MAGI2: variants seen among roughly 807,000 people sequenced by gnomAD.
MAGI2 encodes the protein membrane associated guanylate kinase, WW and PDZ domain containing 2, also known as membrane-associated guanylate kinase, WW and PDZ domain-containing protein 2.
MAGI2 carries 35 observed loss-of-function variants against 133.3 expected under a neutral mutation model. The ratio of observed to expected loss-of-function variants is 0.26; its 90% confidence interval spans 0.20 to 0.35. The LOEUF is 0.35. Ranked by LOEUF, MAGI2 falls within the 10% of genes least tolerant of loss-of-function variation. MAGI2 has a pLI of 1.00. For missense variants in MAGI2, 1,636 were observed against 1,863.4 expected, an observed-to-expected ratio of 0.88 and a Z score of 2.25; for synonymous variants, 729 against 710.6, an observed-to-expected ratio of 1.03 and a Z score of -0.41.
intron 10 of MAGI2, among the ~76,000 whole-genome samples, chr7:78,245,628 C>T (rs1486742855): frequency 2.0e-5 from 3 of 152,122 alleles, no homozygotes; most frequent in Non-Finnish European, 2.9e-5. Flanking sequence ...CACCACCTCA[C>T]CTCCCAGCTG....
intron 9 of MAGI2, among the ~76,000 whole-genome samples, chr7:78,269,693 GC>G (rs1320116641): frequency 6.6e-6 from 1 of 152,098 alleles, no homozygotes; most frequent in Non-Finnish European, 1.5e-5. Context: ...TGGATAGATT[GC>G]AAAAATTTTC....
chr7:78,308,831 G>C (rs1194218538), intron 9 of MAGI2, among the ~76,000 whole-genome samples: 1 of 152,114 alleles, frequency 6.6e-6, no homozygotes, highest in Non-Finnish European at 1.5e-5. Context: ...TTATACTATG[G>C]GGCTTAGAAT....
intron 18 of MAGI2, among the ~76,000 whole-genome samples, chr7:78,130,524 C>T (rs1821460164): frequency 6.6e-6 from 1 of 152,200 alleles, no homozygotes; most frequent in South Asian, 2.1e-4. Flanking sequence ...CCCTCTGATA[C>T]CATGGCCATC....
In MAGI2 at chr7:78,019,280, C is replaced by T; in HGVS notation, c.*35G>A. The T allele has an allele frequency of 6.4e-7, 1 of 1,574,336 alleles. No individual in the cohort carries two copies. The highest frequency in any genetic ancestry group is 8.6e-7 in the Non-Finnish European group (1 of 1,169,364). ...GACGGAACCTAAGAAGAACTGCCTG[C>T]GCCGGGGCGGGCGGGTTGGCCGTGG... On this transcript the variant is annotated 3_prime_UTR_variant, in exon 22 of 22. Coordinates refer to ENST00000354212, the MANE Select transcript of MAGI2 (RefSeq NM_012301.4).
chr7:79,438,375 T>G (rs942159023), intron 1 of MAGI2, among the ~76,000 whole-genome samples: 2 of 152,032 alleles, frequency 1.3e-5, no homozygotes, highest in African/African-American at 4.8e-5. Context: ...TTCCAATGCC[T>G]AATCTAAATT....
chr7:78,146,767 T>C (rs1251365267), intron 16 of MAGI2, among the ~76,000 whole-genome samples: 4 of 152,220 alleles, frequency 2.6e-5, no homozygotes, highest in Non-Finnish European at 5.9e-5. Context: ...CAGGTGTTGC[T>C]GACAACTCAT....
intron 9 of MAGI2, among the ~76,000 whole-genome samples, chr7:78,286,423 A>G (rs1384304432): frequency 6.6e-6 from 1 of 152,160 alleles, no homozygotes; most frequent in Non-Finnish European, 1.5e-5. Flanking sequence ...AACAAGGAAT[A>G]TGGCGATTTA....
chr7:78,030,615 A>G (rs1320319650), intron 21 of MAGI2, among the ~76,000 whole-genome samples: 1 of 152,250 alleles, frequency 6.6e-6, no homozygotes, highest in Non-Finnish European at 1.5e-5. Context: ...AAATAAGCAC[A>G]TAAAAGAGCA....
At chr7:78,461,683 G>T (rs2151512199) in intron 6 of MAGI2, among the ~76,000 whole-genome samples, 1 of 151,842 alleles carries the variant, frequency 6.6e-6, no homozygotes, top group East Asian at 1.9e-4. Context: ...AGGCTGAGGT[G>T]GGCGGATCAC....
Position 78,201,191 on chromosome 7 carries a change from A to C in MAGI2, c.2050T>G (p.Phe684Val). Residue 684 changes from phenylalanine to valine, a missense_variant and splice_region_variant, in exon 11 of 22, where the codon TTC becomes GTC. Coordinates refer to ENST00000354212, the MANE Select transcript of MAGI2 (RefSeq NM_012301.4). ...TTTGGAGTTTTCCATGGAGAAAAGA[A>C]ACCTGTAATAAAGAAAACAATATTT... ...ETSLIIHRGG[F>V]FSPWKTPKPI... is the part of the protein sequence containing the mutation. The C allele has an allele frequency of 6.8e-7, 1 of 1,473,732 alleles. No homozygotes were observed. Among genetic ancestry groups the C allele is most frequent in the Non-Finnish European group, 9.0e-7 (1 of 1,106,646 alleles). The allele number at this position is 1,473,732 out of a possible 1,614,324, so 91.3% of individuals were successfully genotyped here. A position where few individuals can be genotyped will look rare whatever the true frequency, so the allele number is the denominator to read the frequency against.
At chr7:78,992,522 A>G (rs1805891045) in intron 2 of MAGI2, among the ~76,000 whole-genome samples, 1 of 152,004 alleles carries the variant, frequency 6.6e-6, no homozygotes, top group African/African-American at 2.4e-5. Context: ...AATTTGGAAG[A>G]TAAGTTGTTA....
Position 78,569,583 on chromosome 7 carries a change from A to G in MAGI2, c.539-47938T>C, listed in dbSNP as rs1024851500. ...AGAAAACAATTTTCTGGCAAAAAGGAAAGAAAAAAAAGTAAAACATTAAAT... is the reference window on the plus strand; with the variant it reads ...AGAAAACAATTTTCTGGCAAAAAGGGAAGAAAAAAAAGTAAAACATTAAAT... On this transcript the variant is annotated intron_variant, in intron 3 of 21. Transcript: ENST00000354212. Among the ~76,000 whole-genome samples, 4 of 152,234 alleles carry G rather than the reference A, an allele frequency of 2.6e-5. No individual in the cohort carries two copies. In the South Asian group the frequency reaches 8.3e-4, roughly 31 times the overall value.
At chr7:78,701,468 T>C (rs118053557) in intron 2 of MAGI2, among the ~76,000 whole-genome samples, 2,887 of 152,086 alleles carry the variant, frequency 0.019, 37 homozygotes, top group Middle Eastern at 0.02. Context: ...CATTTGATGA[T>C]GATTTTCTTT....
intron 1 of MAGI2, among the ~76,000 whole-genome samples, chr7:79,361,904 AT>A (rs1842402815): frequency 1.3e-5 from 2 of 152,152 alleles, no homozygotes; most frequent in South Asian, 4.1e-4. Context: ...ACATATAAAA[AT>A]ATATGGGAAG....
At chr7:79,323,042 T>A (rs1296206549) in intron 1 of MAGI2, among the ~76,000 whole-genome samples, 1 of 152,080 alleles carries the variant, frequency 6.6e-6, no homozygotes, top group Non-Finnish European at 1.5e-5. Flanking sequence ...CTCACTATGT[T>A]GTACATGCTA....
chr7:79,445,299 T>G (rs868821158), intron 1 of MAGI2, among the ~76,000 whole-genome samples: 27 of 151,848 alleles, frequency 1.8e-4, no homozygotes, highest in Middle Eastern at 6.8e-3. Context: ...GGCAACAAAA[T>G]CCAAAATTGA....
intron 10 of MAGI2, among the ~76,000 whole-genome samples, chr7:78,211,633 T>C (rs1787776759): frequency 6.6e-6 from 1 of 152,240 alleles, no homozygotes; most frequent in Non-Finnish European, 1.5e-5. Context: ...ATTTTAATAG[T>C]AATGCACTTT....
intron 1 of MAGI2, chr7:79,124,931 G>T (rs1261136484): frequency 6.9e-6 from 2 of 291,226 alleles, no homozygotes; most frequent in Admixed American, 8.0e-5. Context: ...CACTGTAGAG[G>T]AGGTGGATGC....
chr7:78,061,040 C>T (rs1813187181), intron 21 of MAGI2, among the ~76,000 whole-genome samples: 1 of 151,726 alleles, frequency 6.6e-6, no homozygotes, highest in Admixed American at 6.6e-5. Context: ...GTGGCATATG[C>T]CTGTAATTCT....
Sources: allele counts gnomAD v4.1 joint callset (sites outside exome capture counted in the v4.1 genomes callset), GRCh38; gene constraint gnomAD v4.1.1; transcripts MANE v1.5; gene names NCBI Gene and HGNC (gene_info 2026-07-23, HGNC 2026-07-21).